The following ABLIM1 variants were observed in gnomAD, a reference collection of about 807,000 sequenced individuals.
ABLIM1 encodes actin binding LIM protein 1.
ABLIM1 carries 40 observed loss-of-function variants against 107.0 expected under a neutral mutation model. The observed-to-expected ratio is 0.37, with a 90% CI of 0.29 to 0.49. The LOEUF is 0.49. Ranked by LOEUF, ABLIM1 falls within the 20% of genes least tolerant of loss-of-function variation. ABLIM1 has a pLI of 0.97. For synonymous variants in ABLIM1, 357 were observed against 357.3 expected (o/e 1.00, Z 0.01); for missense variants, 857 against 1,008.5 (o/e 0.85, Z 2.04).
At chr10:114,564,621 T>G (rs1478812256) in intron 4 of ABLIM1, among the ~76,000 whole-genome samples, 2 of 152,084 alleles carry the variant, frequency 1.3e-5, no homozygotes, top group Non-Finnish European at 2.9e-5. Flanking sequence ...CGCCTTTCCA[T>G]GAAGCGTCTT....
intron 1 of ABLIM1, among the ~76,000 whole-genome samples, chr10:114,638,236 TAA>T (rs1313888490): frequency 3.3e-5 from 5 of 152,354 alleles, no homozygotes; most frequent in African/African-American, 1.2e-4. Context: ...TCAAATAAAT[TAA>T]GAGTAAATTC....
At chr10:114,497,581 C>A (rs1410671123) in intron 6 of ABLIM1, among the ~76,000 whole-genome samples, 1 of 148,938 alleles carries the variant, frequency 6.7e-6, no homozygotes, top group African/African-American at 2.5e-5. Flanking sequence ...ACTTGGGAGG[C>A]TGAGGCAGGA....
chr10:114,516,205 G>A (rs543644126), intron 6 of ABLIM1, among the ~76,000 whole-genome samples: 1 of 152,166 alleles, frequency 6.6e-6, no homozygotes, highest in South Asian at 2.1e-4. Context: ...GGAGTGAGGT[G>A]AGCAGGTATC....
At chr10:114,437,663 C>A (rs927684495) in intron 22 of ABLIM1, among the ~76,000 whole-genome samples, 181 bp downstream of exon 22, 9 of 152,140 alleles carry the variant, frequency 5.9e-5, no homozygotes, top group Non-Finnish European at 1.3e-4. Flanking sequence ...TTATGCTGAT[C>A]TAAGTGAAAA....
At chr10:114,627,702 CA>C (rs2077905263) in intron 1 of ABLIM1, among the ~76,000 whole-genome samples, 1 of 152,206 alleles carries the variant, frequency 6.6e-6, no homozygotes, top group Non-Finnish European at 1.5e-5. Flanking sequence ...AAATAAGGCC[CA>C]TAAATAAGGA....
chr10:114,611,362 A>G (rs1289362117), intron 1 of ABLIM1, among the ~76,000 whole-genome samples: 1 of 151,808 alleles, frequency 6.6e-6, no homozygotes, highest in African/African-American at 2.4e-5. Context: ...GATGGCAGCT[A>G]CTCGAGAGGC....
the ABLIM1 span, among the ~76,000 whole-genome samples, chr10:114,775,472 G>C: frequency 6.6e-6 from 1 of 152,168 alleles, no homozygotes; most frequent in Admixed American, 6.5e-5. Context: ...CAAGAGAGAG[G>C]TGAGGCATAT....
At chr10:114,513,605 A>G (rs552050158) in intron 6 of ABLIM1, among the ~76,000 whole-genome samples, 3 of 152,274 alleles carry the variant, frequency 2.0e-5, no homozygotes, top group African/African-American at 7.2e-5. Flanking sequence ...ATCAAAGCCC[A>G]ACTTGGTCTG....
chr10:114,662,590 G>T (rs761743638), upstream of ABLIM1, among the ~76,000 whole-genome samples: 1 of 152,100 alleles, frequency 6.6e-6, no homozygotes, highest in African/African-American at 2.4e-5. Context: ...CATATGCTCC[G>T]GTCTGGGCAG....
In ABLIM1 at chr10:114,607,249, AC is replaced by A. The variant is rs2076480266; in HGVS notation, c.245-5289del. On this transcript the variant is annotated intron_variant, in intron 1 of 22. Coordinates refer to ENST00000533213, the MANE Select transcript of ABLIM1 (RefSeq NM_002313.7). ...AGCTAATTTTTGTATTTTAGTGGAG[AC>A]GGGGTTTCACCATGTTGGCCAGGAT... Among the ~76,000 whole-genome samples the A allele has an allele frequency of 2.0e-5, 3 of 152,226 alleles. No individual in the cohort carries two copies. In the East Asian group the frequency reaches 5.8e-4, roughly 29 times the overall value.
intron 4 of ABLIM1, among the ~76,000 whole-genome samples, chr10:114,564,353 C>T (rs2070324123): frequency 6.6e-6 from 1 of 152,084 alleles, no homozygotes; most frequent in South Asian, 2.1e-4. Flanking sequence ...CAACCTCCGC[C>T]TCCCGGGTTC....
At chr10:114,717,039 CTCAT>C (rs35290540) in intron 1 of ABLIM1, among the ~76,000 whole-genome samples, 69 of 150,954 alleles carry the variant, frequency 4.6e-4, no homozygotes, top group South Asian at 1.5e-3. Context: ...ATCATGGTAT[CTCAT>C]TCATTCATTC....
chr10:114,573,021 C>G (rs757311170), intron 3 of ABLIM1, among the ~76,000 whole-genome samples: 2 of 152,216 alleles, frequency 1.3e-5, no homozygotes, highest in Non-Finnish European at 2.9e-5. Context: ...AAGTCCCACA[C>G]GAATCCTCTA....
rs2078065886 is a variant in ABLIM1 at position 114,629,984 on chromosome 10, A to C, written c.244+27973T>G. On this transcript the variant is annotated intron_variant, in intron 1 of 22. Transcript: ENST00000533213. The surrounding 1 kb of genome is among the most constrained non-coding windows in gnomAD (Gnocchi z 4.0). Reference sequence around the variant, plus strand: ...CAGAACAGCCTTTAATCAGTGTCTAAGGGTTAAGATAATACTAGTATGTGA... The same window carrying C: ...CAGAACAGCCTTTAATCAGTGTCTACGGGTTAAGATAATACTAGTATGTGA... Among the ~76,000 whole-genome samples, 1 of 152,164 alleles carries C rather than the reference A, an allele frequency of 6.6e-6. No homozygotes were observed.
chr10:114,523,568 T>A (rs2064121006), intron 6 of ABLIM1, among the ~76,000 whole-genome samples: 1 of 151,436 alleles, frequency 6.6e-6, no homozygotes, highest in South Asian at 2.1e-4. Context: ...GAGCAGAAAT[T>A]TAATTTCTGG....
the ABLIM1 span, among the ~76,000 whole-genome samples, chr10:114,790,079 C>T: frequency 6.6e-6 from 1 of 152,214 alleles, no homozygotes; most frequent in African/African-American, 2.4e-5. Flanking sequence ...AGGCGTGAGC[C>T]ACTGGCCCGG....
chr10:114,777,794 G>T, the ABLIM1 span, among the ~76,000 whole-genome samples: 2 of 152,298 alleles, frequency 1.3e-5, no homozygotes, highest in East Asian at 3.9e-4. Context: ...CCCCAGGGAG[G>T]AAAATGGCCA....
At chr10:114,437,680 TA>T (rs940718142) in intron 22 of ABLIM1, among the ~76,000 whole-genome samples, 163 bp downstream of exon 22, 14 of 152,166 alleles carry the variant, frequency 9.2e-5, no homozygotes, top group African/African-American at 2.9e-4. Context: ...AAAACCTGGA[TA>T]TTTTTTTTCT....
At chr10:114,534,088 C>T (rs1467429172) in intron 6 of ABLIM1, among the ~76,000 whole-genome samples, 1 of 152,122 alleles carries the variant, frequency 6.6e-6, no homozygotes, top group African/African-American at 2.4e-5. Context: ...TCACCTCTGT[C>T]GGGTAGGTGG....
Sources: allele counts gnomAD v4.1 joint callset (sites outside exome capture counted in the v4.1 genomes callset), GRCh38; gene constraint gnomAD v4.1.1; non-coding constraint Gnocchi (gnomAD v3.1); transcripts MANE v1.5; gene names NCBI Gene and HGNC (gene_info 2026-07-23, HGNC 2026-07-21).